The following FAM210A variants were observed in gnomAD, a reference collection of about 807,000 sequenced individuals.
The protein encoded by FAM210A is mitochondrial inner membrane scaffold 1.
FAM210A carries 13 observed loss-of-function variants against 25.3 expected under a neutral mutation model. The observed-to-expected ratio is 0.51, with a 90% CI of 0.33 to 0.82. The LOEUF (loss-of-function observed/expected upper bound fraction) is 0.82, where lower values mean the gene tolerates loss of function less well. Among genes scored for constraint, FAM210A ranks in the 40% least tolerant of loss-of-function variants. The pLI is 0.02. For synonymous variants in FAM210A, 125 were observed against 118.7 expected (o/e 1.05, Z -0.35); for missense variants, 319 against 323.2 (o/e 0.99, Z 0.10).
intron 1 of FAM210A, among the ~76,000 whole-genome samples, chr18:13,708,846 A>T (rs1361300745): frequency 1.4e-5 from 2 of 139,850 alleles, no homozygotes; most frequent in Admixed American, 1.4e-4. Context: ...TTCAAATCTA[A>T]CAGTTTCTCC....
At chr18:13,675,216 CT>C in intron 2 of FAM210A, among the ~76,000 whole-genome samples, 1 of 149,636 alleles carries the variant, frequency 6.7e-6, no homozygotes, top group South Asian at 2.1e-4. Context: ...GCCCTGGCTT[CT>C]TTATTTCCTG....
intron 1 of FAM210A, among the ~76,000 whole-genome samples, chr18:13,711,100 G>A (rs2043817804): frequency 6.6e-6 from 1 of 152,204 alleles, no homozygotes; most frequent in Non-Finnish European, 1.5e-5. Context: ...GGCCTGGCAC[G>A]GAGGCTCACG....
At chr18:13,671,812 G>C in intron 3 of FAM210A, 50 bp downstream of exon 3, 3 of 1,186,140 alleles carry the variant, frequency 2.5e-6, no homozygotes, top group Non-Finnish European at 3.8e-6. Flanking sequence ...AAAGTGAGCA[G>C]GTCACCACCA....
intron 1 of FAM210A, among the ~76,000 whole-genome samples, chr18:13,715,698 A>T (rs1302098613): frequency 2.6e-5 from 4 of 152,236 alleles, no homozygotes; most frequent in Non-Finnish European, 5.9e-5. Flanking sequence ...AATAATTTGT[A>T]CTTTCTTAAT....
Position 13,688,686 on chromosome 18 carries a change from C to A in FAM210A, c.-28-6581G>T, listed in dbSNP as rs139577562. 8.5e-4 allele frequency among the ~76,000 whole-genome samples: 129 copies of A among 152,360 alleles called. 1 individual carries two copies. In the East Asian group the frequency reaches 0.022, roughly 26 times the overall value. ...TCACTGGCGGAGAGCAGCCACCCCACGTGACGAGCCAAAGGGTCCACTGAG... is the reference window on the plus strand; with the variant it reads ...TCACTGGCGGAGAGCAGCCACCCCAAGTGACGAGCCAAAGGGTCCACTGAG... On this transcript the variant is annotated intron_variant, in intron 1 of 3. Coordinates refer to ENST00000651643, the MANE Select transcript of FAM210A (RefSeq NM_152352.4).
At chr18:13,681,501 A>T in intron 2 of FAM210A, 104 bp downstream of exon 2, 2 of 933,664 alleles carry the variant, frequency 2.1e-6, no homozygotes, top group Non-Finnish European at 3.2e-6. Context: ...TCTATTGATG[A>T]AAAACATTAA....
At chr18:13,673,767 G>A (rs1314268423) in intron 2 of FAM210A, among the ~76,000 whole-genome samples, 11 of 142,546 alleles carry the variant, frequency 7.7e-5, no homozygotes, top group Non-Finnish European at 1.5e-4. Context: ...TAACATTCCT[G>A]AGCCCCGACT....
intron 1 of FAM210A, among the ~76,000 whole-genome samples, chr18:13,722,564 C>G (rs1395440865): frequency 6.6e-6 from 1 of 152,184 alleles, no homozygotes; most frequent in Non-Finnish European, 1.5e-5. Flanking sequence ...ACATCCCCAG[C>G]TTCATCAGGA....
intron 1 of FAM210A, among the ~76,000 whole-genome samples, chr18:13,721,022 A>G (rs1413005753): frequency 6.6e-6 from 1 of 152,112 alleles, no homozygotes; most frequent in Non-Finnish European, 1.5e-5. Flanking sequence ...CTCCAGTATG[A>G]CCTCATCTTA....
In FAM210A at chr18:13,666,383, G is replaced by T; in HGVS notation, c.*97C>A. The T allele has an allele frequency of 1.1e-6, 1 of 929,448 alleles. No homozygotes were observed. The highest frequency in any genetic ancestry group is 1.6e-6 in the Non-Finnish European group (1 of 614,994). 57.6% of individuals were successfully genotyped at this position (929,448 alleles called of 1,614,324 possible). A position where few individuals can be genotyped will look rare whatever the true frequency, so the allele number is the denominator to read the frequency against. On this transcript the variant is annotated 3_prime_UTR_variant, in exon 4 of 4. Coordinates refer to ENST00000651643, the MANE Select transcript of FAM210A (RefSeq NM_152352.4). The stretch of plus-strand genomic sequence containing the variant: ...ACCCTCAGAGAACTAGTATATTTCG[G>T]CAACTAACCAAAAAAATAATCAGAC...
chr18:13,688,720 G>A (rs570526050), intron 1 of FAM210A, among the ~76,000 whole-genome samples: 1 of 152,350 alleles, frequency 6.6e-6, no homozygotes, highest in South Asian at 2.1e-4. Flanking sequence ...AGCGGATAAC[G>A]CTGCTGTCTG....
intron 3 of FAM210A, among the ~76,000 whole-genome samples, chr18:13,670,213 T>C (rs993473553): frequency 1.3e-5 from 2 of 152,214 alleles, no homozygotes; most frequent in African/African-American, 4.8e-5. Flanking sequence ...TAGCACACAC[T>C]GTGCTATCAA....
chr18:13,667,938 C>T (rs558953911), intron 3 of FAM210A, among the ~76,000 whole-genome samples: 32 of 152,252 alleles, frequency 2.1e-4, no homozygotes, highest in African/African-American at 7.5e-4. Context: ...TGGCATGTGC[C>T]TGTAGTCCCA....
At chr18:13,712,208 G>A (rs1386086982) in intron 1 of FAM210A, among the ~76,000 whole-genome samples, 2 of 152,186 alleles carry the variant, frequency 1.3e-5, no homozygotes, top group Non-Finnish European at 2.9e-5. Flanking sequence ...ACATGAACTT[G>A]TTTAAATTAT....
intron 3 of FAM210A, chr18:13,670,746 C>A (rs910316068): frequency 6.6e-6 from 1 of 152,294 alleles, no homozygotes; most frequent in Non-Finnish European, 1.5e-5. Flanking sequence ...GTAATCCCAG[C>A]ACTTTGAGAG....
intron 1 of FAM210A, among the ~76,000 whole-genome samples, chr18:13,717,038 G>C (rs1040647594): frequency 6.6e-6 from 1 of 152,134 alleles, no homozygotes; most frequent in African/African-American, 2.4e-5. Context: ...CCTCTTTATT[G>C]TTAATGCCAA....
At chr18:13,707,159 T>A (rs545582117) in intron 1 of FAM210A, among the ~76,000 whole-genome samples, 2 of 152,296 alleles carry the variant, frequency 1.3e-5, no homozygotes, top group Non-Finnish European at 2.9e-5. Flanking sequence ...ACATGCTGAA[T>A]CTCGAAACCC....
intron 1 of FAM210A, among the ~76,000 whole-genome samples, chr18:13,695,580 T>C (rs558078265): frequency 4.6e-5 from 7 of 152,284 alleles, no homozygotes; most frequent in Admixed American, 4.6e-4. Context: ...TGGATGAAGC[T>C]GGAAACCATC....
rs1372871301 is a variant in FAM210A at position 13,667,243 on chromosome 18, T to A, written c.586-530A>T. ...AACCTATGCTACCTTCTCATCACAA[T>A]CTACCCTGAGTCTCAAATCCTAGCC... On this transcript the variant is annotated intron_variant, in intron 3 of 3. Transcript: ENST00000651643. Among the ~76,000 whole-genome samples the A allele has an allele frequency of 2.0e-5, 3 of 152,304 alleles. No individual in the cohort carries two copies. The East Asian group carries it at 5.8e-4, about 29-fold the overall frequency.
Sources: allele counts gnomAD v4.1 joint callset (sites outside exome capture counted in the v4.1 genomes callset), GRCh38; gene constraint gnomAD v4.1.1; transcripts MANE v1.5; gene names NCBI Gene and HGNC (gene_info 2026-07-23, HGNC 2026-07-21).